The following GAK variants were observed in gnomAD, a reference collection of about 807,000 sequenced individuals.
The protein encoded by GAK is cyclin-G-associated kinase.
Under a neutral mutation model 143.9 loss-of-function variants are expected in GAK, and 79 were observed. The ratio of observed to expected loss-of-function variants is 0.55; its 90% CI spans 0.46 to 0.66. The LOEUF is 0.66. GAK is among the 30% of genes least tolerant of loss of function. GAK has a pLI of 0.00. For missense variants in GAK, 1,693 were observed against 1,779.7 expected, an observed-to-expected ratio of 0.95 and a Z score of 0.88; for synonymous variants, 881 against 765.5, an observed-to-expected ratio of 1.15 and a Z score of -2.49.
chr4:849,870 G>T, intron 27 of GAK, 22 bp downstream of exon 27: 1 of 1,536,398 alleles, frequency 6.5e-7, no homozygotes, highest in Non-Finnish European at 8.8e-7. Flanking sequence ...GCCTCAAGCG[G>T]CCGCCTGGCA....
chr4:918,373 C>T (rs754395643), intron 1 of GAK, among the ~76,000 whole-genome samples: 23 of 152,082 alleles, frequency 1.5e-4, no homozygotes, highest in Non-Finnish European at 2.9e-4. Context: ...ACTGGAGATT[C>T]GAGTTAATGC....
At position 859,611 on chromosome 4, in the gene GAK, A is replaced by T; in HGVS notation, c.3278T>A (p.Leu1093His). The T allele has an allele frequency of 6.3e-7, 1 of 1,596,168 alleles. No individual in the cohort carries two copies. The highest frequency in any genetic ancestry group is 8.6e-7 in the Non-Finnish European group (1 of 1,165,090). Residue 1093 changes from leucine to histidine, a missense_variant, in exon 24 of 28, where the codon CTC becomes CAC. By Grantham distance (99) the Leu-to-His change is moderately conservative. Around this residue, in one of 2 missense-constraint regions of GAK, gnomAD observed 822 missense variants for 788.7 expected, o/e 1.04. Coordinates refer to ENST00000314167, the MANE Select transcript of GAK (RefSeq NM_005255.4). ...CAAAGTGCCCTCCACGTTACCTTGG[A>T]GGCCGGAGCTGAGGTCGCCAAGGTC... Reference protein sequence around the residue: ...FADLGDLSSGLQGSPAGFPPG... With the variant: ...FADLGDLSSGHQGSPAGFPPG...
At chr4:870,495 G>C (rs760685716) in intron 19 of GAK, among the ~76,000 whole-genome samples, 1 of 152,204 alleles carries the variant, frequency 6.6e-6, no homozygotes, top group Non-Finnish European at 1.5e-5. Context: ...ATGGGCCTCA[G>C]AAATTGCAGC....
At chr4:849,802 TCTTA>T in intron 27 of GAK, 28 bp from the exon 28 acceptor site, 1 of 1,597,856 alleles carries the variant, frequency 6.3e-7, no homozygotes, top group Non-Finnish European at 8.6e-7. Context: ...TGTAAGCGCC[TCTTA>T]TAAGCATGCG....
Position 851,100 on chromosome 4 carries a change from A to G in GAK, c.3509-16T>C. ...GGCTTTTGAGCTAGAAAAGAACAGA[A>G]ACTTTTTTTTGTTTGAGACAGGGTC... is the stretch of plus-strand genomic sequence containing the variant. On this transcript the variant is annotated splice_polypyrimidine_tract_variant and intron_variant, in intron 25 of 27. Coordinates refer to ENST00000314167, the MANE Select transcript of GAK (RefSeq NM_005255.4). 1 of 1,610,746 alleles carries G rather than the reference A, an allele frequency of 6.2e-7. No homozygotes were observed.
At chr4:899,976 G>C (rs1236702444) in intron 5 of GAK, among the ~76,000 whole-genome samples, 1 of 152,256 alleles carries the variant, frequency 6.6e-6, no homozygotes, top group Non-Finnish European at 1.5e-5. Flanking sequence ...ACAGGGCTGA[G>C]CAAGAAAATC....
In GAK at chr4:877,197, T is replaced by A. The variant is rs777126544; in HGVS notation, c.1867A>T (p.Ile623Phe). 1 of 1,611,454 alleles carries A rather than the reference T, an allele frequency of 6.2e-7. No homozygotes were observed. The highest frequency in any genetic ancestry group is 1.3e-5 in the African/African-American group (1 of 74,856). ...GGAATCACCGCTTTGCCATCTTCAA[T>A]CTTAAAGTCCCTAAGGACAGAATGA... ...QEYDKMRDFK[I>F]EDGKAVIPLG... is the part of the protein sequence containing the mutation. Residue 623 changes from isoleucine to phenylalanine, a missense_variant, in exon 17 of 28, where the codon ATT (isoleucine) becomes TTT (phenylalanine). Physicochemically the swap from Ile to Phe is conservative, Grantham distance 21. This residue lies in a region of GAK where 871 missense variants were observed against 991.0 expected (regional missense o/e 0.88). Coordinates refer to ENST00000314167, the MANE Select transcript of GAK (RefSeq NM_005255.4).
chr4:851,839 T>A lies in GAK; in HGVS notation c.3419A>T (p.Lys1140Ile). Residue 1140 changes from lysine (K) to isoleucine (I), a missense_variant, in exon 25 of 28, where the codon AAA becomes ATA. Lys to Ile is a moderately radical substitution (Grantham distance 102). Coordinates refer to ENST00000314167, the MANE Select transcript of GAK (RefSeq NM_005255.4). ...SWPPQAKPPP[K>I]ACTQPRPNYA... ...GTTAGGCCTTGGCTGTGTGCAGGCT[T>A]TGGGGGGCGGCTTGGCCTGAGGGGG... 6.2e-7 allele frequency: 1 copy of A among 1,609,446 alleles called. No individual in the cohort carries two copies. Among genetic ancestry groups the A allele is most frequent in the Admixed American group, 1.7e-5 (1 of 59,484 alleles).
At chr4:896,397 C>T in intron 7 of GAK, 63 bp downstream of exon 7, 4 of 1,350,920 alleles carry the variant, frequency 3.0e-6, no homozygotes, top group Non-Finnish European at 4.2e-6. Flanking sequence ...CCGGCCCACG[C>T]CGCCTCAGGT....
chr4:859,856 G>A (rs1472779952), intron 23 of GAK, 134 bp from the exon 24 acceptor site: 11 of 668,422 alleles, frequency 1.6e-5, no homozygotes, highest in African/African-American at 1.1e-4. Context: ...CATGGCTTGC[G>A]TGCACGAGAC....
At chr4:861,316 T>C (rs1335799302) in intron 23 of GAK, among the ~76,000 whole-genome samples, 1 of 152,128 alleles carries the variant, frequency 6.6e-6, no homozygotes, top group Non-Finnish European at 1.5e-5. Flanking sequence ...GAAGGCCGGG[T>C]GCAGCAGCTC....
chr4:857,484 T>C (rs923752639), intron 24 of GAK, among the ~76,000 whole-genome samples: 2 of 152,298 alleles, frequency 1.3e-5, no homozygotes, highest in African/African-American at 4.8e-5. Context: ...TTATTTTCTT[T>C]GTATTTATAG....
chr4:851,797 C>G lies in GAK; in HGVS notation c.3461G>C (p.Ser1154Thr), dbSNP rs770499898. 5.6e-6 allele frequency: 9 copies of G among 1,612,512 alleles called. No homozygotes were observed. Among genetic ancestry groups the G allele is most frequent in the Non-Finnish European group, 7.6e-6 (9 of 1,179,338 alleles). ...QPRPNYASNF[S>T]VIGAREERGV... ...CCGCTCCTCCCGCGCCCCGATCACA[C>G]TGAAGTTCGAGGCATAGTTAGGCCT... The change falls in exon 25 of 28, where the codon AGT (serine) becomes ACT (threonine). Residue 1154 changes from serine (S) to threonine (T), a missense_variant. By Grantham distance (58) the Ser-to-Thr change is moderately conservative. This residue lies in a region of GAK where 822 missense variants were observed against 788.7 expected (regional missense o/e 1.04). Transcript: ENST00000314167.
At chr4:926,427 G>C (rs1162598222) in intron 1 of GAK, among the ~76,000 whole-genome samples, 1 of 152,152 alleles carries the variant, frequency 6.6e-6, no homozygotes, top group Admixed American at 6.5e-5. Context: ...ACACCTCCCT[G>C]GGGCTCCCAG....
chr4:881,855 T>G (rs1372092975), intron 15 of GAK, 52 bp downstream of exon 15: 2 of 1,521,216 alleles, frequency 1.3e-6, no homozygotes, highest in East Asian at 4.9e-5. Flanking sequence ...GGGGCGGCAG[T>G]GCCACACGGG....
chr4:914,215 CCA>C (rs2152944412), intron 1 of GAK, among the ~76,000 whole-genome samples: 2 of 84,920 alleles, frequency 2.4e-5, no homozygotes, highest in Non-Finnish European at 2.3e-5. Context: ...TGCACAGCCC[CCA>C]CACACACAGC....
chr4:849,818 G>A (rs773522146), intron 27 of GAK, 44 bp from the exon 28 acceptor site: 1 of 1,517,352 alleles, frequency 6.6e-7, no homozygotes, highest in East Asian at 2.4e-5. Context: ...AAGCATGCGG[G>A]GGCGGGCGGG....
chr4:853,633 C>T (rs1017510125), intron 24 of GAK: 12 of 152,424 alleles, frequency 7.9e-5, no homozygotes, highest in African/African-American at 2.4e-4. Flanking sequence ...CGCGGCTCGC[C>T]CCCCGGGCAA....
At chr4:849,833 G>GGGCGGGGGCCCCCC in intron 27 of GAK, 59 bp from the exon 28 acceptor site, 1 of 1,190,156 alleles carries the variant, frequency 8.4e-7, no homozygotes, top group Non-Finnish European at 1.2e-6. Flanking sequence ...GGCGGGGCAG[G>GGGCGGGGGCCCCCC]ACCCCCCCCC....
Sources: allele counts gnomAD v4.1 joint callset (sites outside exome capture counted in the v4.1 genomes callset), GRCh38; gene constraint gnomAD v4.1.1; regional missense constraint gnomAD v4.1.1; transcripts MANE v1.5; gene names NCBI Gene and HGNC (gene_info 2026-07-23, HGNC 2026-07-21).